The following CLPB variants were observed in gnomAD, a reference collection of about 807,000 sequenced individuals.
CLPB encodes the protein ClpB family mitochondrial disaggregase, also known as mitochondrial disaggregase.
Under a neutral mutation model 78.4 loss-of-function variants are expected in CLPB, and 40 were observed. The observed-to-expected ratio is 0.51, with a 90% CI of 0.40 to 0.66. The LOEUF (loss-of-function observed/expected upper bound fraction) is 0.66, where lower values mean the gene tolerates loss of function less well. Ranked by LOEUF, CLPB falls within the 30% of genes least tolerant of loss-of-function variation. The probability of loss-of-function intolerance (pLI) is 0.00; values close to 1 mark genes in which losing one functional copy is unlikely to be tolerated. For synonymous variants in CLPB, 333 were observed against 348.0 expected (o/e 0.96, Z 0.48); for missense variants, 780 against 886.9 (o/e 0.88, Z 1.53).
rs190960921 is a variant in CLPB at position 72,287,191 on chromosome 11, T to C, written c.*6176A>G. ...TGAGTACAATAATAGTTAAAACTCA[T>C]CTATTTTGGGGGTTGAGTGATGGCT... On this transcript the variant is annotated 3_prime_UTR_variant, in exon 16 of 16. Coordinates refer to ENST00000538039, the MANE Select transcript of CLPB (RefSeq NM_001258392.3). The C allele has an allele frequency of 3.9e-5, 6 of 152,314 alleles. No individual in the cohort carries two copies. Among genetic ancestry groups the C allele is most frequent in the African/African-American group, 9.6e-5 (4 of 41,560 alleles). 9.4% of individuals were successfully genotyped at this position (152,314 alleles called of 1,614,324 possible). A position where few individuals can be genotyped will look rare whatever the true frequency, so the allele number is the denominator to read the frequency against.
intron 5 of CLPB, among the ~76,000 whole-genome samples, chr11:72,332,106 A>C (rs1950237247): frequency 6.6e-6 from 1 of 152,170 alleles, no homozygotes; most frequent in Non-Finnish European, 1.5e-5. Context: ...ATCTTCTAAC[A>C]GGAATTTAGT....
At chr11:72,380,628 C>T (rs991536614) in intron 3 of CLPB, among the ~76,000 whole-genome samples, 1 of 151,820 alleles carries the variant, frequency 6.6e-6, no homozygotes, top group Non-Finnish European at 1.5e-5. Flanking sequence ...TACTTGAGTC[C>T]GGGAGTTCAA....
At chr11:72,295,371 C>T in intron 12 of CLPB, 121 bp downstream of exon 12, 1 of 1,027,722 alleles carries the variant, frequency 9.7e-7, no homozygotes. Context: ...TCAGTGTCAG[C>T]TAGGGACAGA....
At chr11:72,306,972 T>C (rs972086578) in intron 9 of CLPB, among the ~76,000 whole-genome samples, 4 of 152,184 alleles carry the variant, frequency 2.6e-5, no homozygotes, top group African/African-American at 4.8e-5. Context: ...GGATTATTAT[T>C]CCTATTTTAC....
intron 9 of CLPB, chr11:72,304,291 T>C (rs1487732041): frequency 1.3e-5 from 2 of 152,252 alleles, no homozygotes; most frequent in Non-Finnish European, 2.9e-5. Flanking sequence ...CACTATCTCA[T>C]TTAACCTTCC....
chr11:72,331,164 G>A (rs1950218515), intron 5 of CLPB, among the ~76,000 whole-genome samples: 1 of 151,484 alleles, frequency 6.6e-6, no homozygotes, highest in African/African-American at 2.4e-5. Flanking sequence ...CAGCACTTTG[G>A]GAGGCCAAGG....
chr11:72,317,197 A>C lies in CLPB; in HGVS notation c.897T>G (p.Arg299=), dbSNP rs1949960924. 1.2e-5 allele frequency: 20 copies of C among 1,611,306 alleles called. No homozygotes were observed. Among genetic ancestry groups the C allele is most frequent in the Non-Finnish European group, 1.6e-5 (19 of 1,179,136 alleles). Residue 299 remains arginine (R), a synonymous_variant, in exon 7 of 16, where the codon CGT becomes CGG. Coordinates refer to ENST00000538039, the MANE Select transcript of CLPB (RefSeq NM_001258392.3). ...EAKYQEKQRK[R]EAEERRRFPL... Reference sequence around the variant, plus strand: ...GGAAGCGGCGCCGCTCCTCAGCCTCACGCTTCCGCTGCTTCTCTTGGTACT... The same window carrying C: ...GGAAGCGGCGCCGCTCCTCAGCCTCCCGCTTCCGCTGCTTCTCTTGGTACT...
At chr11:72,310,967 C>T (rs1189237711) in intron 7 of CLPB, 2 of 152,100 alleles carry the variant, frequency 1.3e-5, no homozygotes, top group African/African-American at 4.8e-5. Context: ...CTTTATAATG[C>T]CAGGCAGACT....
At chr11:72,297,417 G>C (rs925562702) in intron 11 of CLPB, among the ~76,000 whole-genome samples, 3 of 152,228 alleles carry the variant, frequency 2.0e-5, no homozygotes, top group Non-Finnish European at 2.9e-5. Context: ...AGAGGCCTTT[G>C]AGAAACTGTT....
At chr11:72,299,164 G>A (rs1949610174) in intron 11 of CLPB, among the ~76,000 whole-genome samples, 1 of 152,132 alleles carries the variant, frequency 6.6e-6, no homozygotes, top group Admixed American at 6.5e-5. Context: ...CAGCCAACTG[G>A]CCACCCTTGG....
chr11:72,294,947 G>A (rs1262981619), intron 12 of CLPB, among the ~76,000 whole-genome samples: 2 of 151,470 alleles, frequency 1.3e-5, no homozygotes, highest in African/African-American at 4.9e-5. Context: ...GGAGAGGAGA[G>A]GAAACGTCAG....
At chr11:72,381,483 C>A (rs1487282027) in intron 3 of CLPB, among the ~76,000 whole-genome samples, 1 of 152,158 alleles carries the variant, frequency 6.6e-6, no homozygotes, top group Non-Finnish European at 1.5e-5. Flanking sequence ...ACTCTGGGCC[C>A]ACCTTAACAT....
At chr11:72,370,838 T>C (rs970206241) in intron 4 of CLPB, among the ~76,000 whole-genome samples, 4 of 152,206 alleles carry the variant, frequency 2.6e-5, no homozygotes, top group Non-Finnish European at 5.9e-5. Flanking sequence ...TCTGCTTCTC[T>C]ACCCTGGAAG....
Position 72,293,526 on chromosome 11 carries a change from G to C in CLPB, c.1875C>G (p.Asp625Glu), listed in dbSNP as rs767465444. The change falls in exon 16 of 16, where the codon GAC becomes GAG. Residue 625 changes from aspartate to glutamate, a missense_variant. Physicochemically the swap from Asp to Glu is conservative, Grantham distance 45 (BLOSUM62 2). This residue lies in a region of CLPB where 272 missense variants were observed against 304.0 expected (regional missense o/e 0.89). Coordinates refer to ENST00000538039, the MANE Select transcript of CLPB (RefSeq NM_001258392.3). ...GGCTTTTGAGTAGCTGCTTGTCTGA[G>C]TCCTCCACCGTGATGCGCAAAGTAC... ...GGCTLRITVE[D>E]SDKQLLKSPE... is the part of the protein sequence containing the mutation. 2.5e-6 allele frequency: 4 copies of C among 1,614,068 alleles called. No individual in the cohort carries two copies. In the African/African-American group the frequency reaches 5.3e-5, roughly 22 times the overall value.
intron 12 of CLPB, 132 bp from the exon 13 acceptor site, chr11:72,294,825 C>A: frequency 1.3e-6 from 1 of 753,510 alleles, no homozygotes; most frequent in Non-Finnish European, 2.3e-6. Flanking sequence ...AGGTCTAAGG[C>A]TCTCTGGGCT....
chr11:72,321,587 G>A (rs1950044804), intron 6 of CLPB, among the ~76,000 whole-genome samples: 1 of 152,198 alleles, frequency 6.6e-6, no homozygotes, highest in Non-Finnish European at 1.5e-5. Flanking sequence ...CTGCGGGGGA[G>A]GGTTACAGAA....
chr11:72,365,009 C>T (rs1950916131), intron 4 of CLPB, among the ~76,000 whole-genome samples: 1 of 152,160 alleles, frequency 6.6e-6, no homozygotes, highest in Non-Finnish European at 1.5e-5. Flanking sequence ...CACTGGCTAT[C>T]AGGAAAGTGC....
intron 2 of CLPB, chr11:72,410,642 T>C (rs1227031081): frequency 6.6e-6 from 1 of 152,108 alleles, no homozygotes; most frequent in East Asian, 1.9e-4. Context: ...TACTGGAGGA[T>C]AGATAAATGA....
At chr11:72,350,109 A>G (rs1447795759) in intron 5 of CLPB, among the ~76,000 whole-genome samples, 1 of 152,256 alleles carries the variant, frequency 6.6e-6, no homozygotes, top group Non-Finnish European at 1.5e-5. Flanking sequence ...GCCAGGATAC[A>G]GAAATACTTT....
Sources: gnomAD v4.1 joint callset for allele counts (sites outside exome capture counted in the v4.1 genomes callset) on GRCh38, gnomAD v4.1.1 for gene constraint, gnomAD v4.1.1 regional missense constraint, MANE v1.5 for transcripts, NCBI Gene and HGNC (gene_info 2026-07-23, HGNC 2026-07-21) for gene names.